Variants in DSCAM observed in about 807,000 individuals in gnomAD.
DSCAM encodes the protein DS cell adhesion molecule.
A neutral mutation model predicts 217.7 loss-of-function variants in DSCAM; 47 were observed. The ratio of observed to expected loss-of-function variants is 0.22; its 90% CI spans 0.17 to 0.28. DSCAM has a LOEUF of 0.28. Ranked by LOEUF, DSCAM falls within the 10% of genes least tolerant of loss-of-function variation. DSCAM has a pLI of 1.00. For synonymous variants in DSCAM, 1,056 were observed against 1,015.3 expected (o/e 1.04, Z -0.76); for missense variants, 2,080 against 2,618.3 (o/e 0.79, Z 4.49).
At chr21:40,711,461 A>C (rs553855389) in intron 1 of DSCAM, among the ~76,000 whole-genome samples, 1 of 152,314 alleles carries the variant, frequency 6.6e-6, no homozygotes, top group African/African-American at 2.4e-5. Context: ...GGTGGTCTCC[A>C]CCCTGCTGTT....
At chr21:40,254,962 A>G (rs1205148496) in intron 11 of DSCAM, among the ~76,000 whole-genome samples, 1 of 152,022 alleles carries the variant, frequency 6.6e-6, no homozygotes, top group African/African-American at 2.4e-5. Flanking sequence ...GATATGATTA[A>G]TGTCAAATTA....
chr21:40,122,572 G>A (rs1323338610), intron 20 of DSCAM, among the ~76,000 whole-genome samples: 1 of 152,210 alleles, frequency 6.6e-6, no homozygotes, highest in African/African-American at 2.4e-5. Context: ...CCTGGGCATT[G>A]AGGGCACAAT....
chr21:40,631,307 T>C (rs1025706400), intron 3 of DSCAM, among the ~76,000 whole-genome samples: 2 of 152,220 alleles, frequency 1.3e-5, no homozygotes, highest in Admixed American at 6.5e-5. Flanking sequence ...CGCTTGATAA[T>C]TGAGCCAGCT....
intron 3 of DSCAM, among the ~76,000 whole-genome samples, chr21:40,580,151 G>C (rs914164): frequency 6.6e-6 from 1 of 150,548 alleles, no homozygotes; most frequent in African/African-American, 2.4e-5. Context: ...GCGCGATCTC[G>C]GCTCACTGCA....
At chr21:40,251,969 G>A (rs967199696) in intron 11 of DSCAM, among the ~76,000 whole-genome samples, 5 of 152,172 alleles carry the variant, frequency 3.3e-5, no homozygotes, top group Non-Finnish European at 5.9e-5. Context: ...CAGCCAAAGA[G>A]TAAGTGAGGC....
At chr21:40,210,946 CCCA>C (rs925645579) in intron 11 of DSCAM, among the ~76,000 whole-genome samples, 6 of 152,128 alleles carry the variant, frequency 3.9e-5, no homozygotes, top group Admixed American at 2.0e-4. Flanking sequence ...GGTCCATGTA[CCCA>C]CCACCACCAT....
rs752936000 is a variant in DSCAM at position 40,016,762 on chromosome 21, G to C, written c.5687-3376C>G. 6.6e-6 allele frequency among the ~76,000 whole-genome samples: 1 copy of C among 152,168 alleles called. No individual in the cohort carries two copies. The highest frequency in any genetic ancestry group is 2.4e-5 in the African/African-American group (1 of 41,440). ...TGTGTTTAGACAGTGTTTAAAGCCT[G>C]AACCTTAGGAAACACCTTCAAGTTT... On this transcript the variant is annotated intron_variant, in intron 32 of 32. Coordinates refer to ENST00000400454, the MANE Select transcript of DSCAM (RefSeq NM_001389.5). The surrounding 1 kb of genome is among the most constrained non-coding windows in gnomAD (Gnocchi z 4.3).
Position 40,296,114 on chromosome 21 carries a change from A to G in DSCAM, c.2123T>C (p.Ile708Thr). The G allele has an allele frequency of 6.2e-7, 1 of 1,614,098 alleles. No homozygotes were observed. Among genetic ancestry groups the G allele is most frequent in the Non-Finnish European group, 8.5e-7 (1 of 1,179,932 alleles). Reference protein sequence around the residue: ...DQDGIYGKAVILNCSAEGYPV... With the variant: ...DQDGIYGKAVTLNCSAEGYPV... ...GTAACCCTCAGCAGAACAATTGAGGATGACTGCTTTGCCATAAATCCCGTC... is the reference window on the plus strand; with the variant it reads ...GTAACCCTCAGCAGAACAATTGAGGGTGACTGCTTTGCCATAAATCCCGTC... Residue 708 changes from isoleucine to threonine, a missense_variant, in exon 10 of 33, where the codon ATC becomes ACC. Transcript: ENST00000400454.
chr21:40,782,180 A>C (rs56146924), intron 1 of DSCAM, among the ~76,000 whole-genome samples: 12,353 of 150,726 alleles, frequency 0.082, 582 homozygotes, highest in Non-Finnish European at 0.089. Context: ...CAAAAACAAA[A>C]AACAACAAAA....
chr21:40,504,612 G>A (rs148659980), intron 3 of DSCAM, among the ~76,000 whole-genome samples: 1 of 152,290 alleles, frequency 6.6e-6, no homozygotes, highest in African/African-American at 2.4e-5. Context: ...GATGCGAAAG[G>A]CTCAAATAAT....
chr21:40,493,815 A>T (rs1249044857), intron 3 of DSCAM, among the ~76,000 whole-genome samples: 1 of 149,882 alleles, frequency 6.7e-6, no homozygotes, highest in African/African-American at 2.4e-5. Flanking sequence ...GTGAGTCAAG[A>T]TCGTGCCATT....
chr21:40,518,511 T>TA lies in DSCAM; in HGVS notation c.509-149267dup, dbSNP rs1568871633. 2.1e-3 allele frequency among the ~76,000 whole-genome samples: 30 copies of TA among 14,274 alleles called. 3 individuals are homozygous for TA. Among genetic ancestry groups the TA allele is most frequent in the African/African-American group, 0.018 (30 of 1,682 alleles). The allele number at this position is 14,274 out of a possible 152,430, so 9.4% of individuals were successfully genotyped here. On this transcript the variant is annotated intron_variant, in intron 3 of 32. Transcript: ENST00000400454. ...TATATATTATATATTATATATATAATATATATAATATATATTTTATATATA... is the reference window on the plus strand; with the variant it reads ...TATATATTATATATTATATATATAATAATATATAATATATATTTTATATATA...
chr21:40,309,733 C>G (rs534678026), intron 9 of DSCAM, among the ~76,000 whole-genome samples: 1 of 152,180 alleles, frequency 6.6e-6, no homozygotes, highest in African/African-American at 2.4e-5. Flanking sequence ...GTTTTATTTG[C>G]TTTACCGCCA....
At chr21:40,356,082 G>A (rs575658154) in intron 4 of DSCAM, among the ~76,000 whole-genome samples, 5 of 152,070 alleles carry the variant, frequency 3.3e-5, no homozygotes, top group South Asian at 2.1e-4. Flanking sequence ...TGGCTGTTGC[G>A]AATGATTCTG....
At chr21:40,712,831 GAGA>G (rs1363177030) in intron 1 of DSCAM, among the ~76,000 whole-genome samples, 1 of 152,150 alleles carries the variant, frequency 6.6e-6, no homozygotes, top group African/African-American at 2.4e-5. Flanking sequence ...GAGAGAGAGA[GAGA>G]AGGTGGGGGG....
chr21:40,173,292 T>C (rs1487912956), intron 15 of DSCAM, among the ~76,000 whole-genome samples: 1 of 152,098 alleles, frequency 6.6e-6, no homozygotes, highest in East Asian at 1.9e-4. Flanking sequence ...GTGGCCAGGA[T>C]TGGATTCTTG....
chr21:40,021,407 C>A (rs2088270165), intron 32 of DSCAM, among the ~76,000 whole-genome samples: 1 of 152,014 alleles, frequency 6.6e-6, no homozygotes, highest in South Asian at 2.1e-4. Context: ...CTTTGAACGG[C>A]CCTTGTGGAG....
chr21:40,774,201 C>T (rs1316781842), intron 1 of DSCAM, among the ~76,000 whole-genome samples: 1 of 152,076 alleles, frequency 6.6e-6, no homozygotes, highest in Non-Finnish European at 1.5e-5. Context: ...TTCTCTCTCT[C>T]TGAGATTTTA....
At chr21:40,036,751 G>T (rs200528378) in intron 32 of DSCAM, among the ~76,000 whole-genome samples, 28,495 of 144,304 alleles carry the variant, frequency 0.2, 3,311 homozygotes, top group South Asian at 0.34. Context: ...GATGAACATT[G>T]ATGCAAAAAC....
Sources: allele counts gnomAD v4.1 joint callset (sites outside exome capture counted in the v4.1 genomes callset), GRCh38; gene constraint gnomAD v4.1.1; non-coding constraint Gnocchi (gnomAD v3.1); transcripts MANE v1.5; gene names NCBI Gene and HGNC (gene_info 2026-07-23, HGNC 2026-07-21).